Variants in SNX29 observed in about 807,000 individuals in gnomAD.
SNX29 encodes sorting nexin-29.
In SNX29, 78 loss-of-function variants were observed where a neutral mutation model predicts 102.1. That is an observed-to-expected ratio of 0.76 (90% CI 0.64 to 0.92). The LOEUF (loss-of-function observed/expected upper bound fraction) is 0.92. SNX29 is among the 40% of genes least tolerant of loss of function. The probability of loss-of-function intolerance (pLI) is 0.00; values close to 1 mark genes in which losing one functional copy is unlikely to be tolerated. For synonymous variants in SNX29, 580 were observed against 414.5 expected, an observed-to-expected ratio of 1.40 and a Z score of -4.85; for missense variants, 1,280 against 1,061.7, an observed-to-expected ratio of 1.21 and a Z score of -2.86.
At chr16:12,420,522 A>C (rs1019155686) in intron 18 of SNX29, among the ~76,000 whole-genome samples, 1 of 152,160 alleles carries the variant, frequency 6.6e-6, no homozygotes, top group South Asian at 2.1e-4. Context: ...AGTGTTTGAC[A>C]TGGATTCTCA....
At chr16:12,555,038 C>T (rs921317295) in intron 20 of SNX29, among the ~76,000 whole-genome samples, 63 of 151,772 alleles carry the variant, frequency 4.2e-4, no homozygotes, top group African/African-American at 1.3e-3. Context: ...CTGGTGCCAC[C>T]GAGCAGCCTC....
intron 15 of SNX29, among the ~76,000 whole-genome samples, chr16:12,338,128 C>G (rs1159170264): frequency 1.3e-5 from 2 of 152,184 alleles, no homozygotes; most frequent in Non-Finnish European, 2.9e-5. Flanking sequence ...TCAGTGTTTT[C>G]TGGGGCTGAG....
intron 13 of SNX29, among the ~76,000 whole-genome samples, chr16:12,193,699 A>AT (rs989687081): frequency 6.6e-6 from 1 of 151,764 alleles, no homozygotes; most frequent in South Asian, 2.1e-4. Flanking sequence ...GTTGAAGTTT[A>AT]TTTTTTTTGC....
At chr16:12,160,267 G>T (rs1356845853) in intron 13 of SNX29, among the ~76,000 whole-genome samples, 1 of 152,166 alleles carries the variant, frequency 6.6e-6, no homozygotes, top group Non-Finnish European at 1.5e-5. Context: ...GGGCGTCAGG[G>T]GGCATGGTAG....
chr16:12,133,281 GTTTTTTTTT>G (rs57733463), intron 13 of SNX29, among the ~76,000 whole-genome samples: 1 of 66,866 alleles, frequency 1.5e-5, no homozygotes, highest in African/African-American at 6.1e-5. Flanking sequence ...CTTAGTGTGG[GTTTTTTTTT>G]TTTTTTTTTT....
intron 13 of SNX29, among the ~76,000 whole-genome samples, chr16:12,161,405 C>G (rs1311967968): frequency 1.3e-5 from 2 of 152,202 alleles, no homozygotes; most frequent in Non-Finnish European, 2.9e-5. Flanking sequence ...TGACTTGAGG[C>G]TGGGGCAGTT....
chr16:12,371,836 C>G (rs367956656), intron 16 of SNX29, among the ~76,000 whole-genome samples: 1 of 152,178 alleles, frequency 6.6e-6, no homozygotes, highest in Non-Finnish European at 1.5e-5. Context: ...TGACTCTCGC[C>G]TTCGCCCTAT....
intron 3 of SNX29, among the ~76,000 whole-genome samples, chr16:12,022,357 C>T (rs552869989): frequency 1.1e-4 from 16 of 151,972 alleles, no homozygotes; most frequent in Non-Finnish European, 1.9e-4. Context: ...CCTGCCACCA[C>T]ACCCAGCTAA....
chr16:12,021,576 G>T (rs1437456386), intron 3 of SNX29, among the ~76,000 whole-genome samples: 1 of 152,104 alleles, frequency 6.6e-6, no homozygotes. Context: ...AGATTCGTGT[G>T]CAGATTAAGC....
At chr16:12,468,409 A>G (rs1294794254) in intron 18 of SNX29, among the ~76,000 whole-genome samples, 1 of 151,930 alleles carries the variant, frequency 6.6e-6, no homozygotes, top group Non-Finnish European at 1.5e-5. Context: ...TCCTGACCTC[A>G]AGTGATCTGC....
At chr16:11,997,598 C>G (rs1405501155) in intron 1 of SNX29, among the ~76,000 whole-genome samples, 1 of 152,050 alleles carries the variant, frequency 6.6e-6, no homozygotes, top group Non-Finnish European at 1.5e-5. Flanking sequence ...CCACTTCTGC[C>G]TCATGAACAG....
intron 3 of SNX29, among the ~76,000 whole-genome samples, chr16:12,017,925 G>C (rs1193878280): frequency 6.6e-6 from 1 of 151,310 alleles, no homozygotes; most frequent in Non-Finnish European, 1.5e-5. Flanking sequence ...TCTTTTTTTT[G>C]AGACGAAGTC....
intron 18 of SNX29, among the ~76,000 whole-genome samples, chr16:12,406,234 A>G (rs2084160929): frequency 6.6e-6 from 1 of 152,230 alleles, no homozygotes. Flanking sequence ...TCATTGATTT[A>G]TGAATTTCCT....
chr16:12,413,917 C>G (rs1056784912), intron 18 of SNX29, among the ~76,000 whole-genome samples: 1 of 152,192 alleles, frequency 6.6e-6, no homozygotes, highest in African/African-American at 2.4e-5. Flanking sequence ...TCCGGGACCC[C>G]CCATGGACAC....
At chr16:12,370,036 C>T (rs1386861937) in intron 16 of SNX29, among the ~76,000 whole-genome samples, 7 of 151,930 alleles carry the variant, frequency 4.6e-5, no homozygotes, top group African/African-American at 9.7e-5. Flanking sequence ...GCCTGGCCAA[C>T]GTGGTGAAAC....
At chr16:12,059,569 G>C (rs1199387774) in intron 8 of SNX29, among the ~76,000 whole-genome samples, 11 of 152,156 alleles carry the variant, frequency 7.2e-5, no homozygotes, top group Admixed American at 6.5e-4. Context: ...CACATGTCTG[G>C]CCAAAAGCTA....
At chr16:12,182,933 C>CAAAAAAAA (rs575698544) in intron 13 of SNX29, among the ~76,000 whole-genome samples, 1 of 46,432 alleles carries the variant, frequency 2.2e-5, no homozygotes, top group Non-Finnish European at 4.3e-5. Context: ...GACTCTGTCT[C>CAAAAAAAA]AAAAAAAAAA....
At chr16:12,121,510 C>T (rs914256930) in intron 11 of SNX29, among the ~76,000 whole-genome samples, 13 of 152,212 alleles carry the variant, frequency 8.5e-5, no homozygotes, top group Admixed American at 2.0e-4. Flanking sequence ...CAGCAGGAGA[C>T]GAAGGCAGGA....
intron 4 of SNX29, among the ~76,000 whole-genome samples, chr16:12,042,365 G>A (rs1445281039): frequency 6.6e-6 from 1 of 152,164 alleles, no homozygotes; most frequent in Non-Finnish European, 1.5e-5. Context: ...TACATGTGCA[G>A]GTTTGTTACC....
Sources: allele counts gnomAD v4.1 joint callset (sites outside exome capture counted in the v4.1 genomes callset), GRCh38; gene constraint gnomAD v4.1.1; transcripts MANE v1.5; gene names NCBI Gene and HGNC (gene_info 2026-07-23, HGNC 2026-07-21).